The following RBKS variants were observed in gnomAD, a reference collection of about 807,000 sequenced individuals.
RBKS encodes ribokinase.
Under a neutral mutation model 33.9 loss-of-function variants are expected in RBKS, and 33 were observed. The ratio of observed to expected loss-of-function variants is 0.97; its 90% CI spans 0.74 to 1.30. The LOEUF is 1.30. Ranked by LOEUF, RBKS falls within the 50% of genes most tolerant of loss-of-function variation. RBKS has a pLI of 0.00. For missense variants in RBKS, 361 were observed against 392.6 expected (o/e 0.92, Z 0.68); for synonymous variants, 125 against 143.0 (o/e 0.87, Z 0.90).
In RBKS at chr2:27,810,334, G is replaced by A. The variant is rs984873175; in HGVS notation, c.795+17233C>T. On this transcript the variant is annotated intron_variant, in intron 7 of 7. Transcript: ENST00000302188. This position sits in a 1 kb window ranked among gnomAD's most constrained non-coding sequence, Gnocchi z 4.4. Reference sequence around the variant, plus strand: ...TGTTGCAAAAGAGTTACCTTCAAATGTCAGTTACTTTAAATGAAGGATTGA... The same window carrying A: ...TGTTGCAAAAGAGTTACCTTCAAATATCAGTTACTTTAAATGAAGGATTGA... 2.6e-5 allele frequency among the ~76,000 whole-genome samples: 4 copies of A among 152,116 alleles called. No homozygotes were observed. Among genetic ancestry groups the A allele is most frequent in the Non-Finnish European group, 2.9e-5 (2 of 68,024 alleles).
At chr2:27,868,785 T>G (rs1664149220) in intron 1 of RBKS, among the ~76,000 whole-genome samples, 1 of 152,234 alleles carries the variant, frequency 6.6e-6, no homozygotes, top group Non-Finnish European at 1.5e-5. Context: ...TGAAAGTTCT[T>G]TCCTTTGCTT....
intron 7 of RBKS, among the ~76,000 whole-genome samples, chr2:27,793,519 C>G (rs1482634385): frequency 2.0e-5 from 3 of 152,168 alleles, no homozygotes; most frequent in Non-Finnish European, 4.4e-5. Flanking sequence ...ATTCCTGCCT[C>G]AAATGCGTAA....
intron 1 of RBKS, among the ~76,000 whole-genome samples, chr2:27,883,640 G>A (rs1372055063): frequency 1.1e-4 from 16 of 152,190 alleles, no homozygotes; most frequent in Non-Finnish European, 1.9e-4. Context: ...AAAGCCTAAG[G>A]CACAGAGAGC....
At chr2:27,792,354 T>C (rs182417819) in intron 7 of RBKS, among the ~76,000 whole-genome samples, 23 of 152,202 alleles carry the variant, frequency 1.5e-4, no homozygotes, top group Non-Finnish European at 3.1e-4. Context: ...TTCTTATATA[T>C]AAAATGAAGT....
Position 27,781,532 on chromosome 2 carries a change from AT to A in RBKS, c.*82del. 1 of 1,106,776 alleles carries A rather than the reference AT, an allele frequency of 9.0e-7. No homozygotes were observed. The highest frequency in any genetic ancestry group is 1.3e-6 in the Non-Finnish European group (1 of 783,410). 68.6% of individuals were successfully genotyped at this position (1,106,776 alleles called of 1,614,324 possible). A position where few individuals can be genotyped will look rare whatever the true frequency, so the allele number is the denominator to read the frequency against. On this transcript the variant is annotated 3_prime_UTR_variant, in exon 8 of 8. Coordinates refer to ENST00000302188, the MANE Select transcript of RBKS (RefSeq NM_022128.3). ...ATTTGCAAAGAAAGGGGACGAGGAC[AT>A]TTTCTAATAAGCATTAGCCAGGAGC...
chr2:27,796,636 G>C (rs1393475634), intron 7 of RBKS, among the ~76,000 whole-genome samples: 1 of 152,104 alleles, frequency 6.6e-6, no homozygotes, highest in East Asian at 1.9e-4. Flanking sequence ...TGGAATACCT[G>C]AGCCTTCTAA....
At chr2:27,849,570 A>G (rs1473879487) in intron 2 of RBKS, among the ~76,000 whole-genome samples, 4 of 144,332 alleles carry the variant, frequency 2.8e-5, no homozygotes, top group Admixed American at 2.0e-4. Context: ...AAAAAAAAAA[A>G]AAAAAAAAAA....
At chr2:27,882,529 A>T (rs1369289613) in intron 1 of RBKS, among the ~76,000 whole-genome samples, 2 of 152,224 alleles carry the variant, frequency 1.3e-5, no homozygotes, top group Non-Finnish European at 2.9e-5. Context: ...CAATTCCTTC[A>T]GAAGCTAAAA....
At chr2:27,851,924 C>T (rs1003168974) in intron 2 of RBKS, among the ~76,000 whole-genome samples, 3 of 152,112 alleles carry the variant, frequency 2.0e-5, no homozygotes, top group Non-Finnish European at 2.9e-5. Flanking sequence ...TTCCAACAGC[C>T]TCCTTGAAGG....
chr2:27,818,179 G>A (rs1678134741), intron 7 of RBKS, among the ~76,000 whole-genome samples: 1 of 152,140 alleles, frequency 6.6e-6, no homozygotes. Flanking sequence ...AGGTATATAG[G>A]GATGTACTAG....
At chr2:27,857,991 A>G (rs929549237) in intron 2 of RBKS, among the ~76,000 whole-genome samples, 1 of 152,252 alleles carries the variant, frequency 6.6e-6, no homozygotes, top group Non-Finnish European at 1.5e-5. Flanking sequence ...TGAATAAAAA[A>G]ATTGTGGTAT....
intron 1 of RBKS, among the ~76,000 whole-genome samples, chr2:27,879,170 CG>C (rs908623346): frequency 6.6e-6 from 1 of 152,068 alleles, no homozygotes; most frequent in Admixed American, 6.5e-5. Flanking sequence ...AAATTTGGCT[CG>C]GGGGCATCTC....
At chr2:27,797,654 C>T (rs1677688068) in intron 7 of RBKS, among the ~76,000 whole-genome samples, 1 of 152,162 alleles carries the variant, frequency 6.6e-6, no homozygotes. Flanking sequence ...GGCTCCACTG[C>T]ATGGGGGGTC....
chr2:27,836,818 TA>T lies in RBKS; in HGVS notation c.515-4042del, dbSNP rs201149616. 5.1e-3 allele frequency among the ~76,000 whole-genome samples: 781 copies of T among 152,158 alleles called. 6 individuals carry two copies. Among genetic ancestry groups the T allele is most frequent in the African/African-American group, 0.018 (737 of 41,502 alleles). Reference sequence around the variant, plus strand: ...ATCGACAAGCAAAAAACAACTCTGTTAAAAAATGGGCAAAGGACATGAACAG... The same window carrying T: ...ATCGACAAGCAAAAAACAACTCTGTTAAAAATGGGCAAAGGACATGAACAG... On this transcript the variant is annotated intron_variant, in intron 5 of 7. Transcript: ENST00000302188.
At chr2:27,811,705 A>C (rs1677988129) in intron 7 of RBKS, among the ~76,000 whole-genome samples, 1 of 152,224 alleles carries the variant, frequency 6.6e-6, no homozygotes, top group South Asian at 2.1e-4. Flanking sequence ...ATATCTAAAA[A>C]ATAGAAATAA....
chr2:27,836,817 T>C (rs1674467207), intron 5 of RBKS, among the ~76,000 whole-genome samples: 1 of 152,042 alleles, frequency 6.6e-6, no homozygotes, highest in South Asian at 2.1e-4. Flanking sequence ...AACAACTCTG[T>C]TAAAAAATGG....
At chr2:27,807,214 A>C (rs774872916) in intron 7 of RBKS, among the ~76,000 whole-genome samples, 9 of 152,216 alleles carry the variant, frequency 5.9e-5, no homozygotes, top group Non-Finnish European at 1.3e-4. Context: ...ACAAGTGTAC[A>C]GGAACACCTT....
chr2:27,804,985 A>C (rs1277389412), intron 7 of RBKS, among the ~76,000 whole-genome samples: 6 of 151,966 alleles, frequency 3.9e-5, no homozygotes, highest in African/African-American at 7.2e-5. Context: ...TGTGCACTCT[A>C]GCCTGGGTGA....
At chr2:27,818,729 G>T (rs574604816) in intron 7 of RBKS, among the ~76,000 whole-genome samples, 23 of 152,300 alleles carry the variant, frequency 1.5e-4, no homozygotes, top group African/African-American at 5.5e-4. Context: ...TGCCCCCAAA[G>T]AATCTAATTT....
Sources: gnomAD v4.1 joint callset for allele counts (sites outside exome capture counted in the v4.1 genomes callset) on GRCh38, gnomAD v4.1.1 for gene constraint, Gnocchi (gnomAD v3.1) non-coding constraint, MANE v1.5 for transcripts, NCBI Gene and HGNC (gene_info 2026-07-23, HGNC 2026-07-21) for gene names.